CRACDL: variants seen among roughly 807,000 people sequenced by gnomAD.
The protein encoded by CRACDL is CRACD-like protein.
A neutral mutation model predicts 70.6 loss-of-function variants in CRACDL; 26 were observed. The ratio of observed to expected loss-of-function variants is 0.37; its 90% CI spans 0.27 to 0.51. The LOEUF is 0.51. Among genes scored for constraint, CRACDL ranks in the 20% least tolerant of loss-of-function variants. The pLI is 0.94. For missense variants in CRACDL, 1,283 were observed against 1,376.9 expected (o/e 0.93, Z 1.08); for synonymous variants, 618 against 615.2 (o/e 1.00, Z -0.07).
chr2:98,863,531 T>A (rs1160446473), intron 1 of CRACDL, among the ~76,000 whole-genome samples: 1 of 152,200 alleles, frequency 6.6e-6, no homozygotes, highest in African/African-American at 2.4e-5. Flanking sequence ...GGTTTGTAAC[T>A]CCATTGTTTT....
chr2:98,859,609 G>A lies in CRACDL; in HGVS notation c.-10-12799C>T, dbSNP rs141570769. Reference sequence around the variant, plus strand: ...AAAGCACTTGACAAAATCCAACATCGCTTCATGATACAAACACTCAAACAA... The same window carrying A: ...AAAGCACTTGACAAAATCCAACATCACTTCATGATACAAACACTCAAACAA... On this transcript the variant is annotated intron_variant, in intron 1 of 9. Transcript: ENST00000397899. Among the ~76,000 whole-genome samples, 380 of 152,220 alleles carry A rather than the reference G, an allele frequency of 2.5e-3. 4 individuals are homozygous for A. Among genetic ancestry groups the A allele is most frequent in the East Asian group, 0.015 (76 of 5,184 alleles).
intron 1 of CRACDL, among the ~76,000 whole-genome samples, chr2:98,891,303 G>C (rs747649670): frequency 6.9e-6 from 1 of 144,954 alleles, no homozygotes; most frequent in African/African-American, 2.6e-5. Flanking sequence ...CTTGAATGTC[G>C]GAGGCAGAGG....
chr2:98,818,133 C>T (rs1704866174), intron 7 of CRACDL, among the ~76,000 whole-genome samples: 1 of 152,152 alleles, frequency 6.6e-6, no homozygotes, highest in African/African-American at 2.4e-5. Context: ...ATGTTCTGCA[C>T]AAATGAACAA....
chr2:98,895,832 G>T (rs1708106352), intron 1 of CRACDL, among the ~76,000 whole-genome samples: 1 of 152,084 alleles, frequency 6.6e-6, no homozygotes, highest in Non-Finnish European at 1.5e-5. Context: ...GGTGGTGGAG[G>T]CTCTGAGAGG....
At chr2:98,909,672 A>G (rs993723552) in intron 1 of CRACDL, among the ~76,000 whole-genome samples, 3 of 152,194 alleles carry the variant, frequency 2.0e-5, no homozygotes, top group Non-Finnish European at 4.4e-5. Flanking sequence ...CACCCAGACC[A>G]GCTGGCCTCT....
At chr2:98,878,732 A>G (rs1306970690) in intron 1 of CRACDL, among the ~76,000 whole-genome samples, 1 of 152,172 alleles carries the variant, frequency 6.6e-6, no homozygotes, top group Non-Finnish European at 1.5e-5. Flanking sequence ...GTCCGGATAA[A>G]CCCATCGTAA....
chr2:98,849,006 G>A (rs1316694379), intron 1 of CRACDL, among the ~76,000 whole-genome samples: 1 of 152,234 alleles, frequency 6.6e-6, no homozygotes, highest in Non-Finnish European at 1.5e-5. Context: ...GAGGCACTGG[G>A]ATACAGTGAC....
intron 1 of CRACDL, among the ~76,000 whole-genome samples, chr2:98,916,471 G>A (rs1168180740): frequency 6.6e-6 from 1 of 151,722 alleles, no homozygotes; most frequent in Non-Finnish European, 1.5e-5. Context: ...TTAAATGTGT[G>A]CAGATTATAT....
chr2:98,900,646 C>CGT (rs1481244363), intron 1 of CRACDL, among the ~76,000 whole-genome samples: 1 of 152,008 alleles, frequency 6.6e-6, no homozygotes, highest in Non-Finnish European at 1.5e-5. Flanking sequence ...TGTGTGCATG[C>CGT]GTGTGTGTGG....
chr2:98,928,087 A>G (rs2104703904), intron 1 of CRACDL, among the ~76,000 whole-genome samples: 1 of 152,286 alleles, frequency 6.6e-6, no homozygotes, highest in African/African-American at 2.4e-5. Context: ...CGAGAGGCTG[A>G]CACAGAAGAA....
At chr2:98,931,614 C>T (rs1709081613) in intron 1 of CRACDL, among the ~76,000 whole-genome samples, 1 of 152,150 alleles carries the variant, frequency 6.6e-6, no homozygotes, top group Admixed American at 6.5e-5. Flanking sequence ...AAAAACCAGC[C>T]CCACACACCA....
chr2:98,878,647 T>C (rs1707553025), intron 1 of CRACDL, among the ~76,000 whole-genome samples: 2 of 152,214 alleles, frequency 1.3e-5, no homozygotes. Context: ...GATGTTTTAG[T>C]TAACCAACAT....
At chr2:98,920,095 T>C (rs1428017811) in intron 1 of CRACDL, among the ~76,000 whole-genome samples, 1 of 152,178 alleles carries the variant, frequency 6.6e-6, no homozygotes, top group African/African-American at 2.4e-5. Flanking sequence ...TGGTAAGTTA[T>C]CCACCCAGAT....
chr2:98,879,609 C>A (rs536429152), intron 1 of CRACDL, among the ~76,000 whole-genome samples: 1 of 152,176 alleles, frequency 6.6e-6, no homozygotes, highest in Non-Finnish European at 1.5e-5. Context: ...AGTGCAGTGG[C>A]GCAATCTCGG....
intron 8 of CRACDL, among the ~76,000 whole-genome samples, chr2:98,796,797 CT>C (rs1703841637): frequency 6.6e-6 from 1 of 152,144 alleles, no homozygotes; most frequent in South Asian, 2.1e-4. Context: ...GAGTCTCGGC[CT>C]GATTCTAGGC....
intron 1 of CRACDL, among the ~76,000 whole-genome samples, chr2:98,849,661 CAGACCACCA>C (rs796996032): frequency 1.3e-4 from 20 of 152,052 alleles, no homozygotes; most frequent in South Asian, 4.2e-4. Flanking sequence ...ACAGCACCCC[CAGACCACCA>C]AGACCACCAA....
chr2:98,814,174 T>C (rs1704687386), intron 7 of CRACDL, among the ~76,000 whole-genome samples: 1 of 152,154 alleles, frequency 6.6e-6, no homozygotes, highest in South Asian at 2.1e-4. Flanking sequence ...TTATGTTTGC[T>C]CTTATGTTTA....
intron 1 of CRACDL, among the ~76,000 whole-genome samples, chr2:98,911,079 C>G (rs2104675107): frequency 1.3e-5 from 2 of 152,294 alleles, no homozygotes; most frequent in South Asian, 4.2e-4. Flanking sequence ...GCAGCAGGCA[C>G]CTGGGTGAGG....
At chr2:98,869,735 T>A (rs1171861952) in intron 1 of CRACDL, among the ~76,000 whole-genome samples, 1 of 152,230 alleles carries the variant, frequency 6.6e-6, no homozygotes, top group East Asian at 1.9e-4. Flanking sequence ...AGGGACCCTG[T>A]GGGAGGCACG....
Sources: gnomAD v4.1 joint callset for allele counts (sites outside exome capture counted in the v4.1 genomes callset) on GRCh38, gnomAD v4.1.1 for gene constraint, MANE v1.5 for transcripts, NCBI Gene and HGNC (gene_info 2026-07-23, HGNC 2026-07-21) for gene names.